COL25A1: variants seen among roughly 807,000 people sequenced by gnomAD.
COL25A1 encodes collagen type XXV alpha 1 chain, also known as collagen alpha-1(XXV) chain.
A neutral mutation model predicts 128.4 loss-of-function variants in COL25A1; 103 were observed. The observed-to-expected ratio is 0.80, with a 90% confidence interval of 0.68 to 0.94. The LOEUF is 0.94. Among genes scored for constraint, COL25A1 ranks in the 40% least tolerant of loss-of-function variants. The probability of loss-of-function intolerance (pLI) is 0.00; values close to 1 mark genes in which losing one functional copy is unlikely to be tolerated. For missense variants in COL25A1, 745 were observed against 840.0 expected (o/e 0.89, Z 1.40); for synonymous variants, 279 against 277.2 (o/e 1.01, Z -0.06).
At chr4:109,204,167 G>A (rs1283144095) in intron 3 of COL25A1, among the ~76,000 whole-genome samples, 1 of 151,820 alleles carries the variant, frequency 6.6e-6, no homozygotes, top group East Asian at 1.9e-4. Context: ...GGGAAGGTGT[G>A]GTAGAAAAAC....
intron 3 of COL25A1, among the ~76,000 whole-genome samples, chr4:109,088,980 T>C (rs529974323): frequency 6.6e-6 from 1 of 152,260 alleles, no homozygotes; most frequent in East Asian, 1.9e-4. Flanking sequence ...GAAAGATAAA[T>C]GGCATCTTTG....
rs1296000022 is a variant in COL25A1 at position 109,301,986 on chromosome 4, C to T, written c.34G>A (p.Gly12Ser). ...GGGTCCTCGGATCTGGGCTCCCGGC[C>T]CCCTCCTTTCCCTGCGTGCTTCTTC... ...LLKKHAGKGG[G>S]REPRSEDPTP... Residue 12 changes from glycine to serine, a missense_variant, in exon 2 of 38, where the codon GGC (glycine) becomes AGC (serine). By Grantham distance (56) the Gly-to-Ser change is moderately conservative. Transcript: ENST00000399132. The T allele has an allele frequency of 3.7e-6, 6 of 1,602,032 alleles. No individual in the cohort carries two copies. In the African/African-American group the frequency reaches 8.0e-5, roughly 21 times the overall value.
chr4:109,205,720 T>C (rs988343985), intron 3 of COL25A1, among the ~76,000 whole-genome samples: 3 of 152,130 alleles, frequency 2.0e-5, no homozygotes, highest in Non-Finnish European at 4.4e-5. Flanking sequence ...AAAATCTGTA[T>C]CCTATCTAAT....
At chr4:108,909,379 CTT>C (rs1458370633) in intron 13 of COL25A1, among the ~76,000 whole-genome samples, 1 of 152,184 alleles carries the variant, frequency 6.6e-6, no homozygotes. Context: ...CAAATACCCT[CTT>C]TTAGGTAATT....
chr4:109,211,270 GAAAC>G (rs1474269427), intron 3 of COL25A1, among the ~76,000 whole-genome samples: 2 of 22,268 alleles, frequency 9.0e-5, no homozygotes, highest in African/African-American at 8.9e-4. Context: ...GTATATATAT[GAAAC>G]TATATATATA....
chr4:108,820,363 G>T lies in COL25A1; in HGVS notation c.1846-1034C>A, dbSNP rs531185568. Reference sequence around the variant, plus strand: ...TGCATTGAACCAGAGGAAAAGGAAAGAATATGAACAGTGTCTATTTCTTTG... The same window carrying T: ...TGCATTGAACCAGAGGAAAAGGAAATAATATGAACAGTGTCTATTTCTTTG... On this transcript the variant is annotated intron_variant, in intron 35 of 37. Transcript: ENST00000399132. Among the ~76,000 whole-genome samples the T allele has an allele frequency of 3.3e-5, 5 of 152,326 alleles. No individual in the cohort carries two copies. In the East Asian group the frequency reaches 7.7e-4, roughly 24 times the overall value.
At chr4:109,055,749 A>G (rs1048782062) in intron 3 of COL25A1, among the ~76,000 whole-genome samples, 1 of 152,226 alleles carries the variant, frequency 6.6e-6, no homozygotes, top group African/African-American at 2.4e-5. Flanking sequence ...GACCACTCGG[A>G]AAACTTTAAA....
intron 6 of COL25A1, among the ~76,000 whole-genome samples, chr4:108,984,809 C>T (rs866265478): frequency 6.6e-6 from 1 of 152,222 alleles, no homozygotes; most frequent in Non-Finnish European, 1.5e-5. Context: ...CATAGTGCAG[C>T]GGCGGGCTGA....
intron 8 of COL25A1, among the ~76,000 whole-genome samples, chr4:108,948,366 C>T (rs1429152649): frequency 6.6e-6 from 1 of 152,084 alleles, no homozygotes; most frequent in Non-Finnish European, 1.5e-5. Context: ...GAAGTTATAA[C>T]TGATGATAAA....
In COL25A1 at chr4:108,924,253, T is replaced by A. The variant is rs186495881; in HGVS notation, c.709-3649A>T. On this transcript the variant is annotated intron_variant, in intron 11 of 37. Transcript: ENST00000399132. ...TCACTAATCTGCATATAAACCTTTA[T>A]ACCAGTTTTAATACTCTTTCAGAAA... Among the ~76,000 whole-genome samples the A allele has an allele frequency of 1.2e-4, 19 of 152,340 alleles. No individual in the cohort carries two copies. In the East Asian group the frequency reaches 3.7e-3, roughly 29 times the overall value.
chr4:109,214,223 T>TA (rs1408640133), intron 3 of COL25A1, among the ~76,000 whole-genome samples: 1 of 151,700 alleles, frequency 6.6e-6, no homozygotes, highest in Non-Finnish European at 1.5e-5. Context: ...TCAAACAAAT[T>TA]AAAAAAAAGT....
intron 31 of COL25A1, among the ~76,000 whole-genome samples, chr4:108,838,407 C>T (rs1282464364): frequency 2.6e-5 from 4 of 152,106 alleles, no homozygotes. Context: ...ATGCTCCTTA[C>T]AATAAAAATA....
At position 108,886,492 on chromosome 4, in the gene COL25A1, G is replaced by GTGTGTGTGTGTGTGTT. The variant is rs58157157; in HGVS notation, c.976-2271_976-2270insAACACACACACACACA. On this transcript the variant is annotated intron_variant, in intron 18 of 37. Transcript: ENST00000399132. ...TGTGTGTGTGTGTGTGTGTGTGTGT[G>GTGTGTGTGTGTGTGTT]TTTAGCTCATCAGCTATTTTATGTG... Among the ~76,000 whole-genome samples the GTGTGTGTGTGTGTGTT allele has an allele frequency of 1.8e-4, 20 of 109,268 alleles. 1 individual carries two copies. The East Asian group carries it at 3.5e-3, about 19-fold the overall frequency. 71.7% of individuals were successfully genotyped at this position (109,268 alleles called of 152,430 possible). A position where few individuals can be genotyped will look rare whatever the true frequency, so the allele number is the denominator to read the frequency against.
At chr4:109,081,104 C>A (rs1763796997) in intron 3 of COL25A1, among the ~76,000 whole-genome samples, 1 of 152,132 alleles carries the variant, frequency 6.6e-6, no homozygotes, top group African/African-American at 2.4e-5. Flanking sequence ...CCCCAAGATA[C>A]CATCATAATT....
At chr4:109,184,327 A>G (rs1295510790) in intron 3 of COL25A1, among the ~76,000 whole-genome samples, 1 of 152,178 alleles carries the variant, frequency 6.6e-6, no homozygotes, top group Admixed American at 6.5e-5. Flanking sequence ...AGATGCATTA[A>G]CACTCCATTA....
chr4:109,093,931 G>C (rs755015887), intron 3 of COL25A1, among the ~76,000 whole-genome samples: 5 of 151,298 alleles, frequency 3.3e-5, no homozygotes, highest in Non-Finnish European at 5.9e-5. Context: ...TAACCATTTA[G>C]AACTTTAGTT....
chr4:109,212,646 T>C (rs940946078), intron 3 of COL25A1, among the ~76,000 whole-genome samples: 2 of 152,072 alleles, frequency 1.3e-5, no homozygotes, highest in Non-Finnish European at 2.9e-5. Flanking sequence ...CTACCACAAA[T>C]GACTGTGGAG....
At chr4:109,069,936 A>C (rs977865878) in intron 3 of COL25A1, among the ~76,000 whole-genome samples, 2 of 151,686 alleles carry the variant, frequency 1.3e-5, no homozygotes, top group Non-Finnish European at 2.9e-5. Context: ...TAACTATATA[A>C]TAGGAAATTT....
At chr4:108,827,065 G>T in intron 33 of COL25A1, 70 bp downstream of exon 33, 1 of 1,366,812 alleles carries the variant, frequency 7.3e-7, no homozygotes, top group Non-Finnish European at 1.0e-6. Flanking sequence ...CAAGCGAAGG[G>T]TTAACCGTGT....
Sources: allele counts gnomAD v4.1 joint callset (sites outside exome capture counted in the v4.1 genomes callset), GRCh38; gene constraint gnomAD v4.1.1; transcripts MANE v1.5; gene names NCBI Gene and HGNC (gene_info 2026-07-23, HGNC 2026-07-21).